Variants in NKAIN3 observed in about 807,000 individuals in gnomAD.
The protein encoded by NKAIN3 is sodium/potassium-transporting ATPase subunit beta-1-interacting protein 3.
A neutral mutation model predicts 30.2 loss-of-function variants in NKAIN3; 25 were observed. The observed-to-expected ratio is 0.83, with a 90% CI of 0.60 to 1.16. The LOEUF (loss-of-function observed/expected upper bound fraction) is 1.16. NKAIN3 is among the 50% of genes most tolerant of loss of function. The pLI is 0.00. For synonymous variants in NKAIN3, 91 were observed against 89.6 expected (o/e 1.02, Z -0.09); for missense variants, 225 against 254.1 (o/e 0.89, Z 0.78).
At chr8:62,986,775 A>G (rs995804953), downstream of NKAIN3, among the ~76,000 whole-genome samples, 1 of 152,046 alleles carries the variant, frequency 6.6e-6, no homozygotes, top group African/African-American at 2.4e-5. Flanking sequence ...TTTCAGTATT[A>G]TATTTCTAAA....
intron 6 of NKAIN3, among the ~76,000 whole-genome samples, chr8:62,959,209 C>A (rs1017011590): frequency 2.6e-5 from 4 of 152,152 alleles, no homozygotes; most frequent in Non-Finnish European, 5.9e-5. Context: ...CTGCAGCGAG[C>A]TCTGCAGGTA....
chr8:62,834,286 CACT>C (rs1244119653), intron 4 of NKAIN3, among the ~76,000 whole-genome samples: 2 of 152,096 alleles, frequency 1.3e-5, no homozygotes, highest in African/African-American at 4.8e-5. Context: ...TGCCCACTCT[CACT>C]ACTATTATTC....
At chr8:62,588,477 C>A (rs827691) in intron 2 of NKAIN3, among the ~76,000 whole-genome samples, 3 of 151,558 alleles carry the variant, frequency 2.0e-5, no homozygotes, top group Admixed American at 1.3e-4. Context: ...TAAATGTAAC[C>A]AGTTATAGGA....
At chr8:62,305,270 G>T (rs1814192590) in intron 1 of NKAIN3, among the ~76,000 whole-genome samples, 1 of 149,898 alleles carries the variant, frequency 6.7e-6, no homozygotes, top group African/African-American at 2.5e-5. Context: ...ATATTTCTAT[G>T]AAATACGACT....
chr8:62,879,701 C>G (rs923075928), intron 4 of NKAIN3, among the ~76,000 whole-genome samples: 3 of 152,164 alleles, frequency 2.0e-5, no homozygotes, highest in African/African-American at 7.2e-5. Flanking sequence ...ATGCTCCCAC[C>G]TAACAGAGGG....
chr8:62,477,612 G>A (rs916324002), intron 1 of NKAIN3, among the ~76,000 whole-genome samples: 1 of 152,164 alleles, frequency 6.6e-6, no homozygotes, highest in Non-Finnish European at 1.5e-5. Flanking sequence ...AGATGAGGAT[G>A]CTTGCTTCAT....
chr8:62,300,361 CACTTA>C (rs943301689), intron 1 of NKAIN3, among the ~76,000 whole-genome samples: 6 of 152,140 alleles, frequency 3.9e-5, no homozygotes, highest in African/African-American at 1.4e-4. Context: ...GCTGTTATTT[CACTTA>C]ACTTTATCTG....
chr8:62,413,024 G>T lies in NKAIN3; in HGVS notation c.54+163897G>T, dbSNP rs112297127. ...CTTCTCTAAAGAAGACATACAAGTGGCTACCAAACATATGAAAGATGCTCA... is the reference window on the plus strand; with the variant it reads ...CTTCTCTAAAGAAGACATACAAGTGTCTACCAAACATATGAAAGATGCTCA... On this transcript the variant is annotated intron_variant, in intron 1 of 6. Coordinates refer to ENST00000623646, the MANE Select transcript of NKAIN3 (RefSeq NM_001304533.3). Among the ~76,000 whole-genome samples, 1,036 of 151,976 alleles carry T rather than the reference G, an allele frequency of 6.8e-3. 10 individuals carry two copies. Among genetic ancestry groups the T allele is most frequent in the African/African-American group, 0.023 (954 of 41,460 alleles).
At chr8:62,480,444 G>T (rs1806679167) in intron 1 of NKAIN3, among the ~76,000 whole-genome samples, 1 of 151,242 alleles carries the variant, frequency 6.6e-6, no homozygotes, top group African/African-American at 2.4e-5. Context: ...TCCATAGCTT[G>T]CCATGTTACA....
At chr8:62,511,632 C>A (rs925859531) in intron 1 of NKAIN3, among the ~76,000 whole-genome samples, 3 of 152,212 alleles carry the variant, frequency 2.0e-5, no homozygotes, top group Non-Finnish European at 4.4e-5. Context: ...CCCTCTTCCA[C>A]CTTGATGTAC....
chr8:62,425,855 G>T (rs1000100269), intron 1 of NKAIN3, among the ~76,000 whole-genome samples: 1 of 151,750 alleles, frequency 6.6e-6, no homozygotes, highest in East Asian at 1.9e-4. Flanking sequence ...TCCTCTGCAC[G>T]TTCCATGTCT....
intron 3 of NKAIN3, among the ~76,000 whole-genome samples, chr8:62,739,728 C>G (rs1815803216): frequency 6.6e-6 from 1 of 152,106 alleles, no homozygotes; most frequent in Admixed American, 6.5e-5. Flanking sequence ...GCTCGATAAC[C>G]TTTAGCTCTG....
intron 1 of NKAIN3, among the ~76,000 whole-genome samples, chr8:62,534,492 T>G (rs2129857112): frequency 6.6e-6 from 1 of 152,200 alleles, no homozygotes; most frequent in South Asian, 2.1e-4. Context: ...AATGTATTTT[T>G]TTCACACCCC....
intron 4 of NKAIN3, among the ~76,000 whole-genome samples, chr8:62,783,164 T>C (rs1817408575): frequency 6.6e-6 from 1 of 152,018 alleles, no homozygotes; most frequent in Non-Finnish European, 1.5e-5. Context: ...AAAGCTTTTG[T>C]CCCCCCAAAA....
At chr8:62,560,329 G>T (rs890519524) in intron 1 of NKAIN3, among the ~76,000 whole-genome samples, 1 of 151,830 alleles carries the variant, frequency 6.6e-6, no homozygotes, top group African/African-American at 2.4e-5. Flanking sequence ...GGAGTTTTCA[G>T]CCATTATTTC....
intron 4 of NKAIN3, among the ~76,000 whole-genome samples, chr8:62,825,020 C>A (rs1818975257): frequency 6.6e-6 from 1 of 152,060 alleles, no homozygotes; most frequent in South Asian, 2.1e-4. Context: ...GGGAGTGGGG[C>A]AGGCAAGAAA....
intron 3 of NKAIN3, among the ~76,000 whole-genome samples, chr8:62,638,120 G>C (rs1159108215): frequency 6.6e-6 from 1 of 152,062 alleles, no homozygotes; most frequent in Non-Finnish European, 1.5e-5. Context: ...TAGTATGTTT[G>C]ACTCCTGTTT....
intron 6 of NKAIN3, among the ~76,000 whole-genome samples, chr8:62,959,244 T>C (rs1037454054): frequency 1.3e-5 from 2 of 152,146 alleles, no homozygotes; most frequent in African/African-American, 4.8e-5. Flanking sequence ...TTTCTGTCTC[T>C]GACAATCCGG....
intron 4 of NKAIN3, among the ~76,000 whole-genome samples, chr8:62,870,924 GA>G (rs1820622738): frequency 6.6e-6 from 1 of 151,664 alleles, no homozygotes; most frequent in Non-Finnish European, 1.5e-5. Flanking sequence ...TAGTTCGAGG[GA>G]AAAGTTTTAG....
Sources: allele counts gnomAD v4.1 joint callset (sites outside exome capture counted in the v4.1 genomes callset), GRCh38; gene constraint gnomAD v4.1.1; transcripts MANE v1.5; gene names NCBI Gene and HGNC (gene_info 2026-07-23, HGNC 2026-07-21).